Variants in ST7 observed in about 807,000 individuals in gnomAD.
The protein encoded by ST7 is suppression of tumorigenicity 7, also known as suppressor of tumorigenicity 7 protein.
In ST7, 28 loss-of-function variants were observed where a neutral mutation model predicts 78.7. The observed-to-expected ratio is 0.36, with a 90% CI of 0.26 to 0.49. The LOEUF (loss-of-function observed/expected upper bound fraction) is 0.49. Ranked by LOEUF, ST7 falls within the 20% of genes least tolerant of loss-of-function variation. The probability of loss-of-function intolerance (pLI) is 0.99; values close to 1 mark genes in which losing one functional copy is unlikely to be tolerated. For missense variants in ST7, 418 were observed against 696.0 expected (o/e 0.60, Z 4.49); for synonymous variants, 247 against 249.6 (o/e 0.99, Z 0.10).
At chr7:117,161,940 A>T (rs139210220) in intron 9 of ST7, among the ~76,000 whole-genome samples, 46 of 152,194 alleles carry the variant, frequency 3.0e-4, no homozygotes, top group Non-Finnish European at 5.1e-4. Context: ...TAGCCCATAA[A>T]CTATATATTG....
chr7:117,098,707 C>G, intron 1 of ST7: 1 of 1,151,230 alleles, frequency 8.7e-7, no homozygotes. Context: ...GATGCCAAAG[C>G]CTTTCCCTCT....
At chr7:117,019,878 T>A (rs1477464084) in intron 1 of ST7, among the ~76,000 whole-genome samples, 3 of 152,220 alleles carry the variant, frequency 2.0e-5, no homozygotes, top group Non-Finnish European at 2.9e-5. Flanking sequence ...AGACAGATAA[T>A]GTTTCTCATT....
chr7:117,115,123 C>G (rs1319254308), intron 2 of ST7, among the ~76,000 whole-genome samples: 5 of 151,944 alleles, frequency 3.3e-5, no homozygotes, highest in African/African-American at 1.2e-4. Context: ...AAACCACTTC[C>G]TCAGCCCTCT....
At chr7:117,189,451 C>A in intron 11 of ST7, 58 bp downstream of exon 11, 1 of 1,378,304 alleles carries the variant, frequency 7.3e-7, no homozygotes. Context: ...GATGTGTTGC[C>A]TCTGAGGGCT....
At chr7:117,075,533 G>A (rs568968957) in intron 1 of ST7, among the ~76,000 whole-genome samples, 1 of 152,274 alleles carries the variant, frequency 6.6e-6, no homozygotes, top group African/African-American at 2.4e-5. Flanking sequence ...CACTCCTCTG[G>A]ATGTCAGGAA....
At chr7:117,079,968 C>CT (rs34326752) in intron 1 of ST7, among the ~76,000 whole-genome samples, 11,205 of 65,328 alleles carry the variant, frequency 0.17, 4,146 homozygotes, top group Non-Finnish European at 0.24. Context: ...TTTGTCATTC[C>CT]TTTTTTTTTT....
At chr7:116,995,311 G>A (rs892084929) in intron 1 of ST7, among the ~76,000 whole-genome samples, 2 of 152,042 alleles carry the variant, frequency 1.3e-5, no homozygotes, top group Admixed American at 6.5e-5. Flanking sequence ...AACCATCCCC[G>A]TCCTAGGGTT....
intron 10 of ST7, among the ~76,000 whole-genome samples, chr7:117,176,791 G>A (rs1808374548): frequency 6.6e-6 from 1 of 152,190 alleles, no homozygotes; most frequent in African/African-American, 2.4e-5. Flanking sequence ...GTACTTTTCA[G>A]TTAAGTATAT....
chr7:117,147,519 T>A (rs948144776), intron 9 of ST7, among the ~76,000 whole-genome samples: 2 of 152,116 alleles, frequency 1.3e-5, no homozygotes, highest in African/African-American at 4.8e-5. Flanking sequence ...CTTTTCATGA[T>A]GTTATTTCAT....
At chr7:117,134,853 T>G (rs1164518645) in intron 7 of ST7, among the ~76,000 whole-genome samples, 1 of 151,996 alleles carries the variant, frequency 6.6e-6, no homozygotes, top group Non-Finnish European at 1.5e-5. Context: ...CCACATTGTT[T>G]AAAGCCCCAT....
intron 1 of ST7, among the ~76,000 whole-genome samples, chr7:117,017,626 T>C (rs1019009130): frequency 6.6e-6 from 1 of 151,274 alleles, no homozygotes; most frequent in Non-Finnish European, 1.5e-5. Context: ...ATTATATGAC[T>C]TTTTTTTTGG....
At chr7:117,120,017 C>G (rs1400582014) in intron 3 of ST7, among the ~76,000 whole-genome samples, 1 of 152,010 alleles carries the variant, frequency 6.6e-6, no homozygotes, top group Non-Finnish European at 1.5e-5. Context: ...CAGTCTTCAC[C>G]TCTTATGCTC....
At position 117,138,465 on chromosome 7, in the gene ST7, A is replaced by G. The variant is rs774797520; in HGVS notation, c.896A>G (p.Lys299Arg). 1.9e-6 allele frequency: 3 copies of G among 1,610,368 alleles called. No individual in the cohort carries two copies. Among genetic ancestry groups the G allele is most frequent in the Admixed American group, 1.7e-5 (1 of 59,716 alleles). The change falls in exon 9 of 16, where the codon AAA (lysine) becomes AGA (arginine). Residue 299 changes from lysine to arginine, a missense_variant. By Grantham distance (26) the Lys-to-Arg change is conservative. Transcript: ENST00000323984. The stretch of plus-strand genomic sequence containing the variant: ...GACACCAATGTCTTGGTGTACATCA[A>G]AAGAAGGCTAGCAATGTGTGCCAGA... ...RRDTNVLVYI[K>R]RRLAMCARRL... is the part of the protein sequence containing the mutation.
intron 1 of ST7, among the ~76,000 whole-genome samples, chr7:116,976,599 G>T (rs1462262241): frequency 6.6e-6 from 1 of 152,174 alleles, no homozygotes; most frequent in African/African-American, 2.4e-5. Flanking sequence ...TGTCATTTTT[G>T]CTCACATTTC....
intron 12 of ST7, among the ~76,000 whole-genome samples, chr7:117,195,091 T>G (rs925818929): frequency 6.6e-6 from 1 of 152,194 alleles, no homozygotes; most frequent in South Asian, 2.1e-4. Flanking sequence ...TAAAAAACAA[T>G]CTACTCATAT....
rs1297641021 is a variant in ST7 at position 117,037,757 on chromosome 7, G to C, written c.152-62005G>C. Among the ~76,000 whole-genome samples, 5 of 152,182 alleles carry C rather than the reference G, an allele frequency of 3.3e-5. No homozygotes were observed. The East Asian group carries it at 9.6e-4, about 29-fold the overall frequency. ...AATTTTGTGAAATTATTTCTGGATA[G>C]GATTAAATCCAGTATCTGACATTAT... On this transcript the variant is annotated intron_variant, in intron 1 of 15. Coordinates refer to ENST00000323984, the MANE Select transcript of ST7 (RefSeq NM_001369598.1).
In ST7 at chr7:116,984,643, A is replaced by G. The variant is rs189872891; in HGVS notation, c.151+30952A>G. Among the ~76,000 whole-genome samples the G allele has an allele frequency of 1.1e-3, 163 of 152,256 alleles. 1 individual carries two copies. Among genetic ancestry groups the G allele is most frequent in the African/African-American group, 3.8e-3 (158 of 41,554 alleles). On this transcript the variant is annotated intron_variant, in intron 1 of 15. Transcript: ENST00000323984. ...TTAATACGTGAGGGTCAGTTTTCTC[A>G]TTTGTACAGTGGGGATTTTAATAAC... is the stretch of plus-strand genomic sequence containing the variant.
intron 1 of ST7, among the ~76,000 whole-genome samples, chr7:117,009,721 A>G (rs1050887462): frequency 6.6e-6 from 1 of 152,074 alleles, no homozygotes; most frequent in African/African-American, 2.4e-5. Flanking sequence ...ACATAAACCC[A>G]ATGTCCTTTT....
At chr7:116,956,612 G>T (rs1046770034) in intron 1 of ST7, 6 of 471,048 alleles carry the variant, frequency 1.3e-5, no homozygotes, top group African/African-American at 1.2e-4. Flanking sequence ...ACCTGTAGGG[G>T]GATGGAATCT....
Sources: gnomAD v4.1 joint callset for allele counts (sites outside exome capture counted in the v4.1 genomes callset) on GRCh38, gnomAD v4.1.1 for gene constraint, MANE v1.5 for transcripts, NCBI Gene and HGNC (gene_info 2026-07-23, HGNC 2026-07-21) for gene names.